Variants in CNBD2 observed in about 807,000 individuals in gnomAD.
CNBD2 encodes cyclic nucleotide-binding domain-containing protein 2.
Under a neutral mutation model 63.7 loss-of-function variants are expected in CNBD2, and 64 were observed. That is an observed-to-expected ratio of 1.00 (90% CI 0.82 to 1.24). The LOEUF (loss-of-function observed/expected upper bound fraction) is 1.24, where lower values mean the gene tolerates loss of function less well. Among genes scored for constraint, CNBD2 ranks in the 50% most tolerant of loss-of-function variants. The pLI, the probability that CNBD2 is intolerant of heterozygous loss-of-function variation, is 0.00. For missense variants in CNBD2, 691 were observed against 713.5 expected (o/e 0.97, Z 0.36); for synonymous variants, 229 against 255.4 (o/e 0.90, Z 0.99).
intron 3 of CNBD2, 90 bp from the exon 4 acceptor site, chr20:35,980,369 G>A: frequency 8.3e-7 from 1 of 1,198,788 alleles, no homozygotes; most frequent in Non-Finnish European, 1.2e-6. Context: ...GGGAACGGGA[G>A]AGTGTACAAG....
intron 6 of CNBD2, among the ~76,000 whole-genome samples, chr20:35,986,338 T>C (rs1157175302): frequency 6.6e-6 from 1 of 152,046 alleles, no homozygotes; most frequent in African/African-American, 2.4e-5. Context: ...CTGTTTTTTT[T>C]TTCCATACTG....
chr20:35,971,822 G>GT (rs1371525442), intron 1 of CNBD2, among the ~76,000 whole-genome samples: 1 of 152,068 alleles, frequency 6.6e-6, no homozygotes, highest in Non-Finnish European at 1.5e-5. Flanking sequence ...CCCATGCCTT[G>GT]TTTTTTTCAT....
intron 3 of CNBD2, among the ~76,000 whole-genome samples, chr20:35,980,184 G>A (rs764625087): frequency 1.1e-4 from 16 of 152,156 alleles, no homozygotes; most frequent in Non-Finnish European, 1.9e-4. Flanking sequence ...AACACAGGTC[G>A]GGGGGATGTC....
chr20:36,027,137 T>C (rs1457097371), intron 11 of CNBD2, among the ~76,000 whole-genome samples: 1 of 152,284 alleles, frequency 6.6e-6, no homozygotes, highest in East Asian at 1.9e-4. Context: ...CGTGAATATG[T>C]GCCAAATATG....
At chr20:36,001,315 C>T (rs1314684520) in intron 8 of CNBD2, among the ~76,000 whole-genome samples, 6 of 145,030 alleles carry the variant, frequency 4.1e-5, no homozygotes, top group Non-Finnish European at 7.6e-5. Context: ...TAGGGGCGGC[C>T]GGGCAGAGGC....
chr20:36,030,277 A>T lies in CNBD2; in HGVS notation c.1440-80A>T, dbSNP rs1020903364. ...AAGCAGAATGAAGCGCCACATGCTT[A>T]GGGAGGGGAGAGTGGCAGGAGGCAA... On this transcript the variant is annotated intron_variant, in intron 11 of 11. Transcript: ENST00000373973. The T allele has an allele frequency of 3.7e-6, 5 of 1,343,306 alleles. No individual in the cohort carries two copies. The African/African-American group carries it at 7.2e-5, about 19-fold the overall frequency. 83.2% of individuals were successfully genotyped at this position (1,343,306 alleles called of 1,614,324 possible).
At chr20:35,968,926 G>C (rs984337015) in intron 1 of CNBD2, 113 bp downstream of exon 1, 5 of 764,324 alleles carry the variant, frequency 6.5e-6, no homozygotes, top group Non-Finnish European at 1.1e-5. Context: ...TGGCCATCCT[G>C]TACCTTTTGG....
chr20:36,007,953 G>C (rs2057006634), intron 8 of CNBD2, among the ~76,000 whole-genome samples: 1 of 152,120 alleles, frequency 6.6e-6, no homozygotes, highest in African/African-American at 2.4e-5. Flanking sequence ...TGAAGGCCGG[G>C]ATAAATATGG....
intron 10 of CNBD2, among the ~76,000 whole-genome samples, chr20:36,017,711 C>G (rs546351756): frequency 6.6e-6 from 1 of 152,274 alleles, no homozygotes; most frequent in East Asian, 1.9e-4. Flanking sequence ...GGCACAGTGC[C>G]AGTGTTCCGT....
At chr20:35,995,236 C>A in intron 8 of CNBD2, 84 bp downstream of exon 8, 1 of 911,774 alleles carries the variant, frequency 1.1e-6, no homozygotes, top group South Asian at 1.5e-5. Flanking sequence ...CCTTAGAAAT[C>A]TAGTCAGCCA....
chr20:35,980,928 C>T (rs1227212003), intron 4 of CNBD2, among the ~76,000 whole-genome samples: 1 of 152,172 alleles, frequency 6.6e-6, no homozygotes, highest in Non-Finnish European at 1.5e-5. Flanking sequence ...GGGAAAATGG[C>T]TCCTCCTAGG....
At chr20:36,001,504 C>G (rs529727580) in intron 8 of CNBD2, among the ~76,000 whole-genome samples, 2 of 150,388 alleles carry the variant, frequency 1.3e-5, no homozygotes, top group African/African-American at 2.4e-5. Flanking sequence ...CTGACCCCCC[C>G]ACCTCCCTCC....
At chr20:35,990,832 T>G (rs1341232701) in intron 7 of CNBD2, among the ~76,000 whole-genome samples, 3 of 149,310 alleles carry the variant, frequency 2.0e-5, no homozygotes, top group Non-Finnish European at 4.4e-5. Context: ...GCACCTATAG[T>G]CCCAGCTACT....
At chr20:35,979,261 T>C (rs2056563939) in intron 3 of CNBD2, among the ~76,000 whole-genome samples, 3 of 152,148 alleles carry the variant, frequency 2.0e-5, no homozygotes, top group Admixed American at 1.3e-4. Flanking sequence ...TGTGTGGTTG[T>C]GAGGAATATT....
intron 9 of CNBD2, 85 bp downstream of exon 9, chr20:36,008,559 C>A: frequency 7.5e-7 from 1 of 1,333,072 alleles, no homozygotes; most frequent in Non-Finnish European, 1.0e-6. Context: ...GTCAGGGATG[C>A]GGATAAGGGG....
intron 2 of CNBD2, 107 bp downstream of exon 2, chr20:35,972,873 G>A: frequency 9.4e-7 from 1 of 1,064,834 alleles, no homozygotes; most frequent in South Asian, 1.5e-5. Context: ...AAAAGGAAAA[G>A]CAGATGAGAG....
intron 10 of CNBD2, among the ~76,000 whole-genome samples, chr20:36,018,063 T>G (rs893527162): frequency 1.3e-5 from 2 of 152,256 alleles, no homozygotes; most frequent in African/African-American, 4.8e-5. Context: ...CAGTTTCCCC[T>G]GTTATTAACA....
chr20:35,977,282 G>C (rs1346838077), intron 3 of CNBD2, among the ~76,000 whole-genome samples: 1 of 152,220 alleles, frequency 6.6e-6, no homozygotes, highest in East Asian at 1.9e-4. Flanking sequence ...ACACAGGGAA[G>C]AGTAGAGAGC....
intron 4 of CNBD2, among the ~76,000 whole-genome samples, chr20:35,982,460 T>G (rs2056610808): frequency 6.6e-6 from 1 of 152,114 alleles, no homozygotes; most frequent in Non-Finnish European, 1.5e-5. Context: ...ATCCCTTGAA[T>G]GTGCCGTGCT....
Sources: allele counts gnomAD v4.1 joint callset (sites outside exome capture counted in the v4.1 genomes callset), GRCh38; gene constraint gnomAD v4.1.1; transcripts MANE v1.5; gene names NCBI Gene and HGNC (gene_info 2026-07-23, HGNC 2026-07-21).